The following NT5M variants were observed in gnomAD, a reference collection of about 807,000 sequenced individuals.
NT5M encodes the protein 5'(3')-deoxyribonucleotidase, mitochondrial.
Under a neutral mutation model 22.2 loss-of-function variants are expected in NT5M, and 22 were observed. That is an observed-to-expected ratio of 0.99 (90% CI 0.71 to 1.41). The LOEUF is 1.41. Among genes scored for constraint, NT5M ranks in the 40% most tolerant of loss-of-function variants. The pLI is 0.00. For synonymous variants in NT5M, 167 were observed against 133.0 expected, an observed-to-expected ratio of 1.26 and a Z score of -1.76; for missense variants, 322 against 314.8, an observed-to-expected ratio of 1.02 and a Z score of -0.17.
chr17:17,309,404 T>A (rs2048877303), intron 2 of NT5M, among the ~76,000 whole-genome samples: 1 of 152,094 alleles, frequency 6.6e-6, no homozygotes, highest in South Asian at 2.1e-4. Flanking sequence ...GGATTACAGA[T>A]GTTTTCAATT....
At chr17:17,314,706 G>C (rs915916034) in intron 2 of NT5M, among the ~76,000 whole-genome samples, 1 of 152,098 alleles carries the variant, frequency 6.6e-6, no homozygotes, top group Non-Finnish European at 1.5e-5. Flanking sequence ...CTCCTGTCAC[G>C]CTGGCTTCTT....
At chr17:17,338,950 AT>A (rs1421787881) in intron 3 of NT5M, among the ~76,000 whole-genome samples, 1 of 151,400 alleles carries the variant, frequency 6.6e-6, no homozygotes, top group Non-Finnish European at 1.5e-5. Flanking sequence ...GATGGTCTCG[AT>A]TTCCTGACCT....
intron 1 of NT5M, chr17:17,304,457 G>A (rs1267006994): frequency 1.0e-6 from 1 of 984,320 alleles, no homozygotes; most frequent in Non-Finnish European, 1.2e-6. Context: ...TCCAAGGAGG[G>A]ACGTTTACAC....
chr17:17,320,751 G>C (rs532603779), intron 2 of NT5M, among the ~76,000 whole-genome samples: 21 of 152,280 alleles, frequency 1.4e-4, no homozygotes, highest in African/African-American at 5.1e-4. Flanking sequence ...GAGCGGTCAG[G>C]AGAGGAGTAG....
chr17:17,320,309 A>G (rs1011093740), intron 2 of NT5M, among the ~76,000 whole-genome samples: 1 of 152,136 alleles, frequency 6.6e-6, no homozygotes, highest in Non-Finnish European at 1.5e-5. Flanking sequence ...TGGAAGTTGA[A>G]GAGTCAGTGG....
chr17:17,306,782 T>C (rs1326235121), intron 2 of NT5M, 139 bp downstream of exon 2: 1 of 648,526 alleles, frequency 1.5e-6, no homozygotes, highest in Admixed American at 2.7e-5. Flanking sequence ...GCCTCGTCAT[T>C]GCTGAGCCTG....
At chr17:17,323,617 G>T (rs2049201847) in intron 3 of NT5M, among the ~76,000 whole-genome samples, 1 of 152,240 alleles carries the variant, frequency 6.6e-6, no homozygotes, top group Non-Finnish European at 1.5e-5. Flanking sequence ...TTATTGAAAA[G>T]AATTAGAGTT....
chr17:17,347,320 C>T lies in NT5M; in HGVS notation c.*373C>T. 4.8e-6 allele frequency: 1 copy of T among 208,564 alleles called. No homozygotes were observed. The highest frequency in any genetic ancestry group is 9.6e-6 in the Non-Finnish European group (1 of 104,368). 12.9% of individuals were successfully genotyped at this position (208,564 alleles called of 1,614,324 possible). The stretch of plus-strand genomic sequence containing the variant: ...GAGGCAGAAGGGGGTTCCCTGTTCC[C>T]AGAGTCTGCAGCCATCAGCAAGGAG... On this transcript the variant is annotated 3_prime_UTR_variant, in exon 5 of 5. Coordinates refer to ENST00000389022, the MANE Select transcript of NT5M (RefSeq NM_020201.4).
intron 3 of NT5M, among the ~76,000 whole-genome samples, chr17:17,336,000 C>CTTTT (rs1167144502): frequency 1.3e-3 from 131 of 98,904 alleles, no homozygotes; most frequent in Non-Finnish European, 1.9e-3. Context: ...CTTATTCATT[C>CTTTT]TTTTTTTTTT....
In NT5M at chr17:17,346,993, C is replaced by T. The variant is rs745324247; in HGVS notation, c.*46C>T. ...CCTCTGTGGGGCTCTGACCTCAGGGCTCCCAGCTCGGGGCCTGTGGGGCCA... is the reference window on the plus strand; with the variant it reads ...CCTCTGTGGGGCTCTGACCTCAGGGTTCCCAGCTCGGGGCCTGTGGGGCCA... On this transcript the variant is annotated 3_prime_UTR_variant, in exon 5 of 5. Coordinates refer to ENST00000389022, the MANE Select transcript of NT5M (RefSeq NM_020201.4). The T allele has an allele frequency of 2.3e-5, 37 of 1,598,184 alleles. 1 individual carries two copies. The highest frequency in any genetic ancestry group is 1.1e-5 in the South Asian group (1 of 90,122).
chr17:17,345,506 C>G (rs920580373), intron 4 of NT5M, among the ~76,000 whole-genome samples: 1 of 151,868 alleles, frequency 6.6e-6, no homozygotes, highest in South Asian at 2.1e-4. Flanking sequence ...ACAAAAAATA[C>G]AAAAATTATC....
At chr17:17,326,693 C>T (rs2049274279) in intron 3 of NT5M, among the ~76,000 whole-genome samples, 1 of 152,180 alleles carries the variant, frequency 6.6e-6, no homozygotes, top group African/African-American at 2.4e-5. Flanking sequence ...CACACCCAGC[C>T]CTGGGTGCCC....
intron 4 of NT5M, among the ~76,000 whole-genome samples, chr17:17,346,226 G>A (rs2049755735): frequency 6.8e-6 from 1 of 146,846 alleles, no homozygotes; most frequent in African/African-American, 2.5e-5. Flanking sequence ...AGGGCCCAAA[G>A]GCTGGCTTGG....
intron 1 of NT5M, 93 bp from the exon 2 acceptor site, chr17:17,306,450 A>G (rs1362693019): frequency 3.6e-6 from 3 of 828,166 alleles, no homozygotes; most frequent in African/African-American, 1.7e-5. Flanking sequence ...GGAATGAAGA[A>G]CCACTCCCCC....
intron 1 of NT5M, chr17:17,304,377 G>A (rs1311939507): frequency 1.0e-6 from 1 of 985,190 alleles, no homozygotes; most frequent in Non-Finnish European, 1.2e-6. Context: ...TGGCCTTGCT[G>A]AACACCTGAG....
At chr17:17,332,291 G>A (rs1469087942) in intron 3 of NT5M, among the ~76,000 whole-genome samples, 1 of 152,166 alleles carries the variant, frequency 6.6e-6, no homozygotes, top group Admixed American at 6.6e-5. Context: ...GCCACGCGGA[G>A]CAGGAAGGGC....
At chr17:17,307,431 C>G (rs1276593283) in intron 2 of NT5M, among the ~76,000 whole-genome samples, 1 of 151,994 alleles carries the variant, frequency 6.6e-6, no homozygotes, top group African/African-American at 2.4e-5. Context: ...CGAGACCAGC[C>G]TGGCCAAGAT....
At chr17:17,313,631 G>C (rs2048964768) in intron 2 of NT5M, among the ~76,000 whole-genome samples, 1 of 152,236 alleles carries the variant, frequency 6.6e-6, no homozygotes, top group Non-Finnish European at 1.5e-5. Flanking sequence ...CCTCATCCCA[G>C]GGGCTGCGGG....
intron 3 of NT5M, among the ~76,000 whole-genome samples, chr17:17,326,332 C>T (rs370952663): frequency 1.1e-4 from 16 of 152,278 alleles, no homozygotes; most frequent in African/African-American, 3.8e-4. Flanking sequence ...CTGTCAAGAG[C>T]CTGTGCCCAC....
Sources: allele counts gnomAD v4.1 joint callset (sites outside exome capture counted in the v4.1 genomes callset), GRCh38; gene constraint gnomAD v4.1.1; transcripts MANE v1.5; gene names NCBI Gene and HGNC (gene_info 2026-07-23, HGNC 2026-07-21).